Variants in TSPAN14 observed in about 807,000 individuals in gnomAD.
The protein encoded by TSPAN14 is tetraspanin-14.
TSPAN14 carries 16 observed loss-of-function variants against 36.6 expected under a neutral mutation model. The ratio of observed to expected loss-of-function variants is 0.44; its 90% CI spans 0.30 to 0.66. The LOEUF (loss-of-function observed/expected upper bound fraction) is 0.66, where lower values mean the gene tolerates loss of function less well. Among genes scored for constraint, TSPAN14 ranks in the 30% least tolerant of loss-of-function variants. The pLI is 0.12. For synonymous variants in TSPAN14, 139 were observed against 143.8 expected, an observed-to-expected ratio of 0.97 and a Z score of 0.24; for missense variants, 231 against 355.1, an observed-to-expected ratio of 0.65 and a Z score of 2.81.
chr10:80,491,843 A>G (rs1234944464), intron 2 of TSPAN14, among the ~76,000 whole-genome samples: 1 of 152,190 alleles, frequency 6.6e-6, no homozygotes, highest in Non-Finnish European at 1.5e-5. Context: ...CAAACATGAG[A>G]GAGCTTGGTT....
chr10:80,484,264 G>A (rs1225214180), intron 1 of TSPAN14, among the ~76,000 whole-genome samples: 1 of 151,708 alleles, frequency 6.6e-6, no homozygotes, highest in Admixed American at 6.6e-5. Context: ...GTGTAAAATA[G>A]TATATCTGGG....
Position 80,509,120 on chromosome 10 carries a change from G to A in TSPAN14, c.280-181G>A, listed in dbSNP as rs568237163. On this transcript the variant is annotated intron_variant, in intron 4 of 8. Transcript: ENST00000429989. This position sits in a 1 kb window ranked among gnomAD's most constrained non-coding sequence, Gnocchi z 4.7. ...AATAGCCCCTTTTTACAGATGAAGCGAAGTTGTGCAGAGTCACCCAGCTAA... is the reference window on the plus strand; with the variant it reads ...AATAGCCCCTTTTTACAGATGAAGCAAAGTTGTGCAGAGTCACCCAGCTAA... Among the ~76,000 whole-genome samples, 1 of 152,324 alleles carries A rather than the reference G, an allele frequency of 6.6e-6. No homozygotes were observed. Among genetic ancestry groups the A allele is most frequent in the African/African-American group, 2.4e-5 (1 of 41,576 alleles).
At chr10:80,486,942 C>T (rs538350637) in intron 1 of TSPAN14, among the ~76,000 whole-genome samples, 1 of 152,098 alleles carries the variant, frequency 6.6e-6, no homozygotes, top group Non-Finnish European at 1.5e-5. Context: ...AAACCATTGG[C>T]TGGGTGTGGT....
At chr10:80,459,688 G>C (rs568584119) in intron 1 of TSPAN14, among the ~76,000 whole-genome samples, 5 of 152,324 alleles carry the variant, frequency 3.3e-5, no homozygotes, top group Non-Finnish European at 4.4e-5. Flanking sequence ...CTGTGCTCCT[G>C]TACACTGCAC....
In TSPAN14 at chr10:80,509,552, GC is replaced by G; in HGVS notation, c.450+83del. On this transcript the variant is annotated intron_variant, in intron 5 of 8. Transcript: ENST00000429989. This position sits in a 1 kb window ranked among gnomAD's most constrained non-coding sequence, Gnocchi z 4.7. ...GAGCTGAGTCTAGCAGGGGCATCAG[GC>G]CTTCTCTGTGGGTTGTCTGCCTGCA... The G allele has an allele frequency of 1.4e-6, 2 of 1,477,750 alleles. No individual in the cohort carries two copies. The highest frequency in any genetic ancestry group is 2.8e-5 in the African/African-American group (2 of 71,674). The allele number at this position is 1,477,750 out of a possible 1,614,324, so 91.5% of individuals were successfully genotyped here. A position where few individuals can be genotyped will look rare whatever the true frequency, so the allele number is the denominator to read the frequency against.
At chr10:80,481,253 A>G (rs998887952) in intron 1 of TSPAN14, among the ~76,000 whole-genome samples, 1 of 152,222 alleles carries the variant, frequency 6.6e-6, no homozygotes, top group Admixed American at 6.5e-5. Flanking sequence ...AATTCTGTGC[A>G]CTGGTCCAGA....
intron 1 of TSPAN14, among the ~76,000 whole-genome samples, chr10:80,481,686 C>T (rs1326739045): frequency 3.9e-5 from 6 of 152,170 alleles, no homozygotes; most frequent in Non-Finnish European, 7.3e-5. Flanking sequence ...TACAAAATGG[C>T]GCGATCTCGG....
intron 1 of TSPAN14, among the ~76,000 whole-genome samples, chr10:80,465,789 A>G (rs1437257435): frequency 6.6e-6 from 1 of 152,200 alleles, no homozygotes; most frequent in Non-Finnish European, 1.5e-5. Context: ...GGATTGGTTA[A>G]GAATATTTTT....
At chr10:80,497,478 G>A (rs1296101069) in intron 2 of TSPAN14, among the ~76,000 whole-genome samples, 1 of 152,228 alleles carries the variant, frequency 6.6e-6, no homozygotes, top group Non-Finnish European at 1.5e-5. Context: ...CAGCAGAGTT[G>A]AGTAATTGCT....
intron 1 of TSPAN14, among the ~76,000 whole-genome samples, chr10:80,473,123 TAAAAAATAATAA>T (rs1846650883): frequency 6.6e-6 from 1 of 152,078 alleles, no homozygotes; most frequent in Non-Finnish European, 1.5e-5. Flanking sequence ...TCCTGTAGCT[TAAAAAATAATAA>T]AAATAGTAAG....
intron 8 of TSPAN14, 59 bp downstream of exon 8, chr10:80,516,382 C>A: frequency 1.2e-6 from 2 of 1,611,026 alleles, no homozygotes. Flanking sequence ...AGATTGGGCC[C>A]TTAACATAGA....
Position 80,489,143 on chromosome 10 carries a change from C to T in TSPAN14, c.-17-74C>T, listed in dbSNP as rs111602007. ...AAATGATCGGGAGCTTTCTAGAATC[C>T]GCATATGAGCTGGTTTGGGGGAAAG... is the stretch of plus-strand genomic sequence containing the variant. On this transcript the variant is annotated intron_variant, in intron 1 of 8. Coordinates refer to ENST00000429989, the Ensembl canonical transcript of TSPAN14. 1.3e-4 allele frequency: 122 copies of T among 968,042 alleles called. 1 individual carries two copies. Among genetic ancestry groups the T allele is most frequent in the African/African-American group, 9.9e-4 (61 of 61,876 alleles). 60.0% of individuals were successfully genotyped at this position (968,042 alleles called of 1,614,324 possible). A position where few individuals can be genotyped will look rare whatever the true frequency, so the allele number is the denominator to read the frequency against.
exon 9 of TSPAN14, chr10:80,518,320 A>C: frequency 3.0e-6 from 1 of 336,746 alleles, no homozygotes; most frequent in Admixed American, 4.5e-5. Context: ...TCTGCAGGAC[A>C]CCCTGGTCCC....
chr10:80,509,543 G>T lies in TSPAN14; in HGVS notation c.450+72G>T. 1 of 1,524,286 alleles carries T rather than the reference G, an allele frequency of 6.6e-7. No individual in the cohort carries two copies. 94.4% of individuals were successfully genotyped at this position (1,524,286 alleles called of 1,614,324 possible). ...TGCTGCCTGGAGCTGAGTCTAGCAGGGGCATCAGGCCTTCTCTGTGGGTTG... is the reference window on the plus strand; with the variant it reads ...TGCTGCCTGGAGCTGAGTCTAGCAGTGGCATCAGGCCTTCTCTGTGGGTTG... On this transcript the variant is annotated intron_variant, in intron 5 of 8. Transcript: ENST00000429989. This position sits in a 1 kb window ranked among gnomAD's most constrained non-coding sequence, Gnocchi z 4.7.
intron 7 of TSPAN14, among the ~76,000 whole-genome samples, chr10:80,514,616 T>TA (rs1477482669): frequency 1.3e-5 from 2 of 152,156 alleles, no homozygotes; most frequent in East Asian, 1.9e-4. Context: ...TGACTGCTGT[T>TA]CTAAAAGGGA....
chr10:80,470,535 GA>G (rs1846488509), intron 1 of TSPAN14, among the ~76,000 whole-genome samples: 1 of 152,260 alleles, frequency 6.6e-6, no homozygotes, highest in African/African-American at 2.4e-5. Flanking sequence ...TTCAGGCGTG[GA>G]AACATAGAGA....
chr10:80,474,882 G>A (rs1266940754), intron 1 of TSPAN14, among the ~76,000 whole-genome samples: 1 of 152,130 alleles, frequency 6.6e-6, no homozygotes, highest in African/African-American at 2.4e-5. Flanking sequence ...TATAAAAAAT[G>A]AGACTCTTGT....
chr10:80,516,796 G>C (rs1226491605), intron 8 of TSPAN14, among the ~76,000 whole-genome samples: 1 of 152,224 alleles, frequency 6.6e-6, no homozygotes, highest in African/African-American at 2.4e-5. Flanking sequence ...TGGCCCCTGG[G>C]CTGGAGTTGT....
intron 1 of TSPAN14, among the ~76,000 whole-genome samples, chr10:80,455,369 C>G (rs1480921762): frequency 6.6e-6 from 1 of 152,100 alleles, no homozygotes; most frequent in Non-Finnish European, 1.5e-5. Flanking sequence ...TCCGGGAGGT[C>G]AGGCGGTGCT....
Sources: allele counts gnomAD v4.1 joint callset (sites outside exome capture counted in the v4.1 genomes callset), GRCh38; gene constraint gnomAD v4.1.1; non-coding constraint Gnocchi (gnomAD v3.1); transcripts MANE v1.5; gene names NCBI Gene and HGNC (gene_info 2026-07-23, HGNC 2026-07-21).